Variants in AKAP9 observed in about 807,000 individuals in gnomAD.
AKAP9 encodes A-kinase anchor protein 9.
Under a neutral mutation model 488.5 loss-of-function variants are expected in AKAP9, and 311 were observed. The ratio of observed to expected loss-of-function variants is 0.64; its 90% confidence interval spans 0.58 to 0.70. The LOEUF (loss-of-function observed/expected upper bound fraction) is 0.70. Ranked by LOEUF, AKAP9 falls within the 30% of genes least tolerant of loss-of-function variation. The probability of loss-of-function intolerance (pLI) is 0.00; values close to 1 mark genes in which losing one functional copy is unlikely to be tolerated. For synonymous variants in AKAP9, 1,462 were observed against 1,483.5 expected (o/e 0.99, Z 0.33); for missense variants, 4,215 against 4,374.5 (o/e 0.96, Z 1.03).
rs745858523 is a variant in AKAP9, at chr7:92,002,279, G to A, written c.2362G>A (p.Glu788Lys). Residue 788 changes from glutamate to lysine, a missense_variant, in exon 8 of 50, where the codon GAA becomes AAA. Coordinates refer to ENST00000356239, the MANE Select transcript of AKAP9 (RefSeq NM_005751.5). ...SILKDEKKTL[E>K]DMLKIHTPVS... Reference sequence around the variant, plus strand: ...TCTTAAAGATGAAAAGAAAACCCTTGAAGACATGTTGAAAATACATACTCC... The same window carrying A: ...TCTTAAAGATGAAAAGAAAACCCTTAAAGACATGTTGAAAATACATACTCC... 3.7e-6 allele frequency: 6 copies of A among 1,610,502 alleles called. No homozygotes were observed. The East Asian group carries it at 1.3e-4, about 36-fold the overall frequency.
At position 92,082,634 on chromosome 7, in the gene AKAP9, A is replaced by C. The variant is rs1813782833; in HGVS notation, c.8132A>C (p.Lys2711Thr). 6.2e-7 allele frequency: 1 copy of C among 1,613,916 alleles called. No individual in the cohort carries two copies. The highest frequency in any genetic ancestry group is 1.7e-5 in the Admixed American group (1 of 60,010). The change falls in exon 32 of 50, where the codon AAG becomes ACG. Residue 2711 changes from lysine (K) to threonine (T), a missense_variant. Around this residue, in one of 5 missense-constraint regions of AKAP9, gnomAD observed 1,476 missense variants for 1,477.4 expected, o/e 1.00. Transcript: ENST00000356239. ...GCAGAACTTGCCAGTTATAAAGAAA[A>C]GGCTGAAAAACTTCAAGAAGAGCTT... ...TKAELASYKE[K>T]AEKLQEELLV...
intron 22 of AKAP9, chr7:92,058,270 A>G (rs1809160266): frequency 1.7e-6 from 1 of 586,950 alleles, no homozygotes; most frequent in African/African-American, 1.8e-5. Context: ...GCGTGCCTTT[A>G]CCACATCCTT....
intron 26 of AKAP9, among the ~76,000 whole-genome samples, chr7:92,068,227 G>A (rs1036643388): frequency 7.9e-5 from 12 of 151,456 alleles, no homozygotes; most frequent in African/African-American, 2.7e-4. Flanking sequence ...TTAGCCAGGC[G>A]TGGTGGCGGG....
At chr7:92,006,693 A>C (rs1352181907) in intron 8 of AKAP9, among the ~76,000 whole-genome samples, 1 of 152,206 alleles carries the variant, frequency 6.6e-6, no homozygotes, top group Non-Finnish European at 1.5e-5. Flanking sequence ...TGCCACACAG[A>C]TATCTCTAAT....
At chr7:91,954,347 T>C (rs1024845336) in intron 1 of AKAP9, among the ~76,000 whole-genome samples, 2 of 152,168 alleles carry the variant, frequency 1.3e-5, no homozygotes, top group Non-Finnish European at 2.9e-5. Flanking sequence ...TGCAGTGGCA[T>C]GATCATTACT....
intron 14 of AKAP9, among the ~76,000 whole-genome samples, chr7:92,028,295 TAAAAAAAAA>T (rs57352733): frequency 4.6e-5 from 3 of 65,086 alleles, no homozygotes; most frequent in African/African-American, 1.3e-4. Context: ...CAATAAATAC[TAAAAAAAAA>T]AAAAAAAAAA....
In AKAP9 at chr7:92,095,126, A is replaced by C; in HGVS notation, c.9682A>C (p.Lys3228Gln). ...GCTCCAGTGGGCTTTGGAGAAAGAG[A>C]AAGCCAAGTTGGGACGCAGTGAAGA... ...RELQWALEKE[K>Q]AKLGRSEERD... Residue 3228 changes from lysine (K) to glutamine (Q), a missense_variant, in exon 40 of 50, where the codon AAA becomes CAA. Lys to Gln is a moderately conservative substitution (Grantham distance 53). Around this residue, in one of 5 missense-constraint regions of AKAP9, gnomAD observed 1,476 missense variants for 1,477.4 expected, o/e 1.00. Coordinates refer to ENST00000356239, the MANE Select transcript of AKAP9 (RefSeq NM_005751.5). 1 of 1,614,210 alleles carries C rather than the reference A, an allele frequency of 6.2e-7. No individual in the cohort carries two copies. Among genetic ancestry groups the C allele is most frequent in the Non-Finnish European group, 8.5e-7 (1 of 1,180,034 alleles).
At chr7:92,074,492 C>T (rs1396132216) in intron 28 of AKAP9, among the ~76,000 whole-genome samples, 1 of 152,170 alleles carries the variant, frequency 6.6e-6, no homozygotes, top group Non-Finnish European at 1.5e-5. Context: ...TACCTTTTGA[C>T]CCAGCAATCC....
intron 3 of AKAP9, among the ~76,000 whole-genome samples, chr7:91,991,887 A>G (rs1292777871): frequency 6.6e-6 from 1 of 152,240 alleles, no homozygotes; most frequent in Non-Finnish European, 1.5e-5. Context: ...AGCAAACAGA[A>G]ACTGCACTTA....
Position 92,097,631 on chromosome 7 carries a change from C to T in AKAP9, c.10444C>T (p.Leu3482Phe), listed in dbSNP as rs1446489453. Residue 3482 changes from leucine (L) to phenylalanine (F), a missense_variant, in exon 42 of 50, where the codon CTT (leucine) becomes TTT (phenylalanine). Transcript: ENST00000356239. Reference sequence around the variant, plus strand: ...CAGTGATAGAACTAGAAATTGGGTTCTTCAACAGAAAATAGAAGGAGAAAC... The same window carrying T: ...CAGTGATAGAACTAGAAATTGGGTTTTTCAACAGAAAATAGAAGGAGAAAC... Reference protein sequence around the residue: ...LTSDRTRNWVLQQKIEGETKE... With the variant: ...LTSDRTRNWVFQQKIEGETKE... The T allele has an allele frequency of 6.2e-7, 1 of 1,613,918 alleles. No individual in the cohort carries two copies. The highest frequency in any genetic ancestry group is 1.1e-5 in the South Asian group (1 of 91,058).
chr7:92,108,652 C>T lies in AKAP9; in HGVS notation c.11686+19C>T, dbSNP rs752835883. 18 of 1,614,106 alleles carry T rather than the reference C, an allele frequency of 1.1e-5. No individual in the cohort carries two copies. Among genetic ancestry groups the T allele is most frequent in the Non-Finnish European group, 1.4e-5 (17 of 1,179,970 alleles). ...CAGTCAGGTGCTCTGAGTTTAACCA[C>T]ATCTTGGCAGCACCACAGTGCGAGA... On this transcript the variant is annotated intron_variant, in intron 49 of 49. Coordinates refer to ENST00000356239, the MANE Select transcript of AKAP9 (RefSeq NM_005751.5).
intron 16 of AKAP9, 102 bp downstream of exon 16, chr7:92,031,706 A>G: frequency 8.8e-6 from 8 of 904,622 alleles, no homozygotes; most frequent in Non-Finnish European, 1.2e-5. Context: ...TATAAGTTTC[A>G]TATATAGTTC....
chr7:92,068,833 A>G (rs1447714170), intron 26 of AKAP9, among the ~76,000 whole-genome samples: 1 of 152,226 alleles, frequency 6.6e-6, no homozygotes, highest in East Asian at 1.9e-4. Context: ...GTTCTGAGAA[A>G]TAACTGTCAT....
chr7:91,987,476 TG>T (rs1350521423), intron 3 of AKAP9, among the ~76,000 whole-genome samples: 1 of 152,162 alleles, frequency 6.6e-6, no homozygotes, highest in Non-Finnish European at 1.5e-5. Context: ...AGATTTGACC[TG>T]GTTTGAATTA....
At chr7:91,976,143 G>A (rs1224824366) in intron 2 of AKAP9, among the ~76,000 whole-genome samples, 4 of 152,000 alleles carry the variant, frequency 2.6e-5, no homozygotes, top group East Asian at 3.9e-4. Flanking sequence ...GGGTGGTCTC[G>A]AACTCCTGAC....
chr7:92,023,631 C>T (rs1367718812), intron 14 of AKAP9, among the ~76,000 whole-genome samples: 1 of 152,142 alleles, frequency 6.6e-6, no homozygotes, highest in African/African-American at 2.4e-5. Context: ...TACCCTAACT[C>T]CCCCCTAAAG....
At chr7:92,066,641 C>T (rs956090755) in intron 26 of AKAP9, 95 bp downstream of exon 26, 1 of 1,451,798 alleles carries the variant, frequency 6.9e-7, no homozygotes, top group African/African-American at 1.4e-5. Context: ...GGATTCTTTC[C>T]TTTGTATGTA....
chr7:92,081,516 A>T (rs1299861475), intron 31 of AKAP9, among the ~76,000 whole-genome samples: 2 of 136,930 alleles, frequency 1.5e-5, no homozygotes, highest in Non-Finnish European at 1.6e-5. Context: ...TTTTTAGTAG[A>T]GACGAGGTTT....
chr7:92,031,426 C>T, intron 15 of AKAP9, 86 bp from the exon 16 acceptor site: 2 of 938,210 alleles, frequency 2.1e-6, no homozygotes, highest in East Asian at 2.4e-5. Flanking sequence ...AATACTGATA[C>T]TTTGGGGAGA....
Sources: gnomAD v4.1 joint callset for allele counts (sites outside exome capture counted in the v4.1 genomes callset) on GRCh38, gnomAD v4.1.1 for gene constraint, gnomAD v4.1.1 regional missense constraint, MANE v1.5 for transcripts, NCBI Gene and HGNC (gene_info 2026-07-23, HGNC 2026-07-21) for gene names.